The following PLEKHA5 variants were observed in gnomAD, a reference collection of about 807,000 sequenced individuals.
PLEKHA5 encodes the protein pleckstrin homology domain-containing family A member 5.
In PLEKHA5, 55 loss-of-function variants were observed where a neutral mutation model predicts 181.9. The observed-to-expected ratio is 0.30, with a 90% CI of 0.24 to 0.38. The LOEUF (loss-of-function observed/expected upper bound fraction) is 0.38, where lower values mean the gene tolerates loss of function less well. Ranked by LOEUF, PLEKHA5 falls within the 10% of genes least tolerant of loss-of-function variation. The pLI is 1.00. For synonymous variants in PLEKHA5, 535 were observed against 529.4 expected (o/e 1.01, Z -0.15); for missense variants, 1,432 against 1,549.5 (o/e 0.92, Z 1.27).
chr12:19,211,377 C>T (rs1322370774), intron 3 of PLEKHA5, among the ~76,000 whole-genome samples: 3 of 151,958 alleles, frequency 2.0e-5, no homozygotes, highest in African/African-American at 4.8e-5. Context: ...GTGGCGAATG[C>T]AGTCACAAGT....
At chr12:19,143,508 G>A (rs953568950) in intron 3 of PLEKHA5, among the ~76,000 whole-genome samples, 4 of 151,998 alleles carry the variant, frequency 2.6e-5, no homozygotes, top group Admixed American at 2.6e-4. Context: ...GTCCTGTTGT[G>A]CAGAGAGAAT....
intron 3 of PLEKHA5, among the ~76,000 whole-genome samples, chr12:19,177,397 C>G (rs1218816778): frequency 6.6e-6 from 1 of 152,078 alleles, no homozygotes; most frequent in East Asian, 1.9e-4. Flanking sequence ...CATGTATTAT[C>G]TGTAATCCTC....
intron 15 of PLEKHA5, among the ~76,000 whole-genome samples, chr12:19,313,443 T>C (rs2087328643): frequency 6.6e-6 from 1 of 152,176 alleles, no homozygotes; most frequent in South Asian, 2.1e-4. Context: ...TTGACAAAAT[T>C]AATTTATTAA....
intron 11 of PLEKHA5, among the ~76,000 whole-genome samples, chr12:19,280,888 T>G (rs1430730662): frequency 6.6e-6 from 1 of 151,942 alleles, no homozygotes; most frequent in Admixed American, 6.6e-5. Context: ...TTTTTGTATT[T>G]TTAGTAGAGA....
intron 3 of PLEKHA5, among the ~76,000 whole-genome samples, chr12:19,185,298 C>A (rs2049568829): frequency 6.6e-6 from 1 of 152,068 alleles, no homozygotes; most frequent in African/African-American, 2.4e-5. Flanking sequence ...AGTATTTGTT[C>A]CATACCTCCT....
Position 19,345,893 on chromosome 12 carries a change from G to A in PLEKHA5, c.2709+5G>A. ...ACAGTTAAGTACAAAAATGAGGTAA[G>A]TTTGGATTGTTTTTCTAATTATAAA... On this transcript the variant is annotated splice_donor_5th_base_variant and intron_variant, in intron 23 of 31. Coordinates refer to ENST00000429027, the MANE Select transcript of PLEKHA5 (RefSeq NM_001256470.2). The A allele has an allele frequency of 7.2e-7, 1 of 1,396,764 alleles. No individual in the cohort carries two copies. The highest frequency in any genetic ancestry group is 1.0e-6 in the Non-Finnish European group (1 of 990,844). The allele number at this position is 1,396,764 out of a possible 1,614,324, so 86.5% of individuals were successfully genotyped here.
intron 3 of PLEKHA5, among the ~76,000 whole-genome samples, chr12:19,237,644 A>G (rs991800922): frequency 2.0e-5 from 3 of 152,082 alleles, no homozygotes; most frequent in Non-Finnish European, 2.9e-5. Flanking sequence ...GAGCAATATA[A>G]TGGCAGGAGA....
At chr12:19,253,083 T>TTTTTTTTTTTTTTTTTTTTTTTTTTTTC (rs2065829093) in intron 3 of PLEKHA5, among the ~76,000 whole-genome samples, 1 of 129,328 alleles carries the variant, frequency 7.7e-6, no homozygotes, top group Non-Finnish European at 1.7e-5. Flanking sequence ...TTTTTTTTTT[T>TTTTTTTTTTTTTTTTTTTTTTTTTTTTC]TTTTTTTGGG....
At chr12:19,237,801 G>A (rs2061651287) in intron 3 of PLEKHA5, among the ~76,000 whole-genome samples, 3 of 151,882 alleles carry the variant, frequency 2.0e-5, no homozygotes, top group Admixed American at 2.0e-4. Context: ...TCTTTGAATT[G>A]TACTATGTAA....
chr12:19,281,224 C>T (rs2076057210), intron 11 of PLEKHA5, among the ~76,000 whole-genome samples: 1 of 143,726 alleles, frequency 7.0e-6, no homozygotes, highest in South Asian at 2.2e-4. Context: ...GAGAATCCAT[C>T]TCAAAAAAAA....
At chr12:19,256,247 A>G (rs1351188966) in intron 5 of PLEKHA5, among the ~76,000 whole-genome samples, 1 of 149,142 alleles carries the variant, frequency 6.7e-6, no homozygotes, top group Non-Finnish European at 1.5e-5. Context: ...GCAGATTTCC[A>G]AAGATCAGAA....
intron 3 of PLEKHA5, among the ~76,000 whole-genome samples, chr12:19,196,516 G>A (rs1024638957): frequency 6.6e-6 from 1 of 152,144 alleles, no homozygotes; most frequent in Non-Finnish European, 1.5e-5. Flanking sequence ...CTACCCCTAT[G>A]TGATCTCTTG....
chr12:19,294,478 T>G (rs1052290377), intron 15 of PLEKHA5, among the ~76,000 whole-genome samples: 8 of 152,120 alleles, frequency 5.3e-5, no homozygotes, highest in Non-Finnish European at 8.8e-5. Context: ...TCTGGTCACA[T>G]TTTATACTAT....
rs371622810 is a variant in PLEKHA5, at chr12:19,358,208, T to C, written c.3139-20T>C. On this transcript the variant is annotated intron_variant, in intron 26 of 31. Coordinates refer to ENST00000429027, the MANE Select transcript of PLEKHA5 (RefSeq NM_001256470.2). ...AGAAGTTTTCATTTATGTATTGATA[T>C]GTTCATTTTTACATTGAAGGAAAGA... The C allele has an allele frequency of 2.8e-5, 43 of 1,533,948 alleles. 1 individual carries two copies. In the South Asian group the frequency reaches 3.5e-4, roughly 12 times the overall value.
At chr12:19,321,334 CCTTTT>C (rs936006355) in intron 18 of PLEKHA5, among the ~76,000 whole-genome samples, 12,921 of 104,130 alleles carry the variant, frequency 0.12, 2,636 homozygotes, top group Middle Eastern at 0.25. Context: ...CATTATACCC[CCTTTT>C]CTTTTCTTTT....
chr12:19,231,089 T>C (rs1194993016), intron 3 of PLEKHA5, among the ~76,000 whole-genome samples: 1 of 152,174 alleles, frequency 6.6e-6, no homozygotes, highest in Non-Finnish European at 1.5e-5. Context: ...ATTTTCTTCC[T>C]TCCCTACAAA....
At chr12:19,160,500 A>C (rs138981093) in intron 3 of PLEKHA5, among the ~76,000 whole-genome samples, 3 of 152,282 alleles carry the variant, frequency 2.0e-5, no homozygotes, top group African/African-American at 7.2e-5. Flanking sequence ...CACACCAAAA[A>C]ATGTTAATAC....
intron 6 of PLEKHA5, among the ~76,000 whole-genome samples, chr12:19,260,410 C>T (rs1346112105): frequency 6.6e-6 from 1 of 152,158 alleles, no homozygotes; most frequent in Non-Finnish European, 1.5e-5. Context: ...AATCAAATTG[C>T]CTTAATATAT....
chr12:19,283,214 C>T, intron 11 of PLEKHA5, 66 bp from the exon 12 acceptor site: 1 of 763,420 alleles, frequency 1.3e-6, no homozygotes, highest in South Asian at 2.0e-5. Context: ...AAGAAATGTA[C>T]TCTAATTTAG....
Sources: allele counts gnomAD v4.1 joint callset (sites outside exome capture counted in the v4.1 genomes callset), GRCh38; gene constraint gnomAD v4.1.1; transcripts MANE v1.5; gene names NCBI Gene and HGNC (gene_info 2026-07-23, HGNC 2026-07-21).